The following GCN1 variants were observed in gnomAD, a reference collection of about 807,000 sequenced individuals.
GCN1 encodes the protein GCN1 activator of EIF2AK4, also known as stalled ribosome sensor GCN1.
Under a neutral mutation model 288.4 loss-of-function variants are expected in GCN1, and 90 were observed. That is an observed-to-expected ratio of 0.31 (90% CI 0.26 to 0.37). The LOEUF (loss-of-function observed/expected upper bound fraction) is 0.37, where lower values mean the gene tolerates loss of function less well. Ranked by LOEUF, GCN1 falls within the 10% of genes least tolerant of loss-of-function variation. GCN1 has a pLI of 1.00. For synonymous variants in GCN1, 1,386 were observed against 1,420.2 expected (o/e 0.98, Z 0.54); for missense variants, 2,586 against 3,419.9 (o/e 0.76, Z 6.08).
chr12:120,146,434 C>T (rs1437724590), intron 38 of GCN1, among the ~76,000 whole-genome samples: 2 of 152,096 alleles, frequency 1.3e-5, no homozygotes, highest in East Asian at 1.9e-4. Flanking sequence ...GGTATTATCA[C>T]GGCTCACTGT....
At chr12:120,168,422 C>T (rs937112403) in intron 15 of GCN1, 122 bp from the exon 16 acceptor site, 35 of 687,000 alleles carry the variant, frequency 5.1e-5, no homozygotes, top group Non-Finnish European at 8.9e-5. Flanking sequence ...GCAGGAGGCT[C>T]AGTGCTCTTC....
intron 57 of GCN1, 133 bp from the exon 58 acceptor site, chr12:120,128,107 A>T (rs1297465328): frequency 1.3e-5 from 11 of 821,942 alleles, no homozygotes; most frequent in Non-Finnish European, 2.2e-5. Flanking sequence ...AAAATAAGGG[A>T]ATCAGATGGA....
At chr12:120,135,524 C>T (rs1490315688) in intron 51 of GCN1, among the ~76,000 whole-genome samples, 3 of 152,034 alleles carry the variant, frequency 2.0e-5, no homozygotes, top group Admixed American at 6.6e-5. Context: ...CCACAATGCC[C>T]GGCTAATTTT....
In GCN1 at chr12:120,159,930, C is replaced by T. The variant is rs1566308925; in HGVS notation, c.2644G>A (p.Asp882Asn). 4 of 1,614,088 alleles carry T rather than the reference C, an allele frequency of 2.5e-6. No individual in the cohort carries two copies. The highest frequency in any genetic ancestry group is 3.4e-6 in the Non-Finnish European group (4 of 1,179,936). ...GACTTCAGCAAGGGCAGAAAAGAGT[C>T]GACCAAAACAGGGATGTACTGGGTC... The part of the protein sequence containing the change: ...GLTQYIPVLV[D>N]SFLPLLKSPL... Residue 882 changes from aspartate (D) to asparagine (N), a missense_variant, in exon 24 of 58, where the codon GAC becomes AAC. Transcript: ENST00000300648.
chr12:120,166,484 C>G (rs1878130024), intron 16 of GCN1, among the ~76,000 whole-genome samples: 1 of 150,766 alleles, frequency 6.6e-6, no homozygotes, highest in Non-Finnish European at 1.5e-5. Flanking sequence ...GTGGGCGGAT[C>G]ATGAGGTCAG....
chr12:120,181,395 G>A (rs1237222391), intron 5 of GCN1, among the ~76,000 whole-genome samples: 2 of 145,108 alleles, frequency 1.4e-5, no homozygotes, highest in Non-Finnish European at 3.0e-5. Flanking sequence ...AGCCCAGGAG[G>A]TCAAGGCTGC....
Position 120,175,850 on chromosome 12 carries a change from C to CGGGGACTGTTGGATTTCAGGT in GCN1, c.917_937dup (p.His306_Pro312dup). ...TGCCAGCACAGCTTCATCCATCAGGCGGGGACTGTTGGATTTCAGGTGACC... is the reference window on the plus strand; with the variant it reads ...TGCCAGCACAGCTTCATCCATCAGGCGGGGACTGTTGGATTTCAGGTGGGGACTGTTGGATTTCAGGTGACC... On this transcript the variant is annotated inframe_insertion, in exon 11 of 58. Transcript: ENST00000300648. The CGGGGACTGTTGGATTTCAGGT allele has an allele frequency of 6.2e-7, 1 of 1,611,358 alleles. No homozygotes were observed.
intron 46 of GCN1, 110 bp from the exon 47 acceptor site, chr12:120,138,525 T>C: frequency 9.8e-7 from 1 of 1,016,208 alleles, no homozygotes; most frequent in Admixed American, 1.7e-5. Context: ...TGCACCCACA[T>C]TTCCTCACTG....
intron 5 of GCN1, 54 bp from the exon 6 acceptor site, chr12:120,179,004 C>G (rs1878567445): frequency 7.0e-7 from 1 of 1,427,428 alleles, no homozygotes; most frequent in Non-Finnish European, 9.7e-7. Context: ...CTGAGGGTCC[C>G]ATGGCTCTCA....
In GCN1 at chr12:120,156,930, C is replaced by T. The variant is rs748659288; in HGVS notation, c.3150G>A (p.Thr1050=). Residue 1050 remains threonine, a synonymous_variant, in exon 27 of 58, where the codon ACG becomes ACA. Transcript: ENST00000300648. The surrounding 1 kb of genome is among the most constrained non-coding windows in gnomAD (Gnocchi z 5.8). The stretch of plus-strand genomic sequence containing the variant: ...ACATCACCTGTAAGCGAGGCGAGCC[C>T]GTCCCGATCACCCAAGTCAGAAGAC... ...MLRLLTWVIG[T]GSPRLQVLAS... is the part of the protein sequence containing the mutation. The T allele has an allele frequency of 2.5e-5, 41 of 1,611,608 alleles. No individual in the cohort carries two copies. Among genetic ancestry groups the T allele is most frequent in the South Asian group, 1.3e-4 (12 of 91,050 alleles).
In GCN1 at chr12:120,154,018, C is replaced by T. The variant is rs114592945; in HGVS notation, c.3702-109G>A. 460 of 883,424 alleles carry T rather than the reference C, an allele frequency of 5.2e-4. 3 individuals carry two copies. The African/African-American group carries it at 6.8e-3, about 13-fold the overall frequency. The allele number at this position is 883,424 out of a possible 1,614,324, so 54.7% of individuals were successfully genotyped here. On this transcript the variant is annotated intron_variant, in intron 31 of 57. Transcript: ENST00000300648. The stretch of plus-strand genomic sequence containing the variant: ...AGAGGGAGCTTGCCTGAGGCAAACA[C>T]TGTTTTGGGGGCAGAGAACAGCCTG...
chr12:120,186,167 C>A (rs1033615071), intron 2 of GCN1, among the ~76,000 whole-genome samples: 8 of 151,924 alleles, frequency 5.3e-5, no homozygotes, highest in African/African-American at 1.9e-4. Context: ...GGTGAAACCC[C>A]GTCTCTCCTA....
chr12:120,151,107 T>C (rs764262001), intron 34 of GCN1, 38 bp downstream of exon 34: 3 of 1,599,866 alleles, frequency 1.9e-6, no homozygotes, highest in Non-Finnish European at 2.6e-6. Flanking sequence ...GGGGACCAAC[T>C]TCCCATGCTG....
At chr12:120,183,738 G>A (rs1027025426) in intron 4 of GCN1, 61 bp from the exon 5 acceptor site, 1 of 986,542 alleles carries the variant, frequency 1.0e-6, no homozygotes, top group Non-Finnish European at 1.6e-6. Context: ...GACGAACACT[G>A]TCCCTAAGGC....
intron 14 of GCN1, among the ~76,000 whole-genome samples, chr12:120,171,000 G>GCA (rs1878296549): frequency 6.6e-6 from 1 of 151,882 alleles, no homozygotes. Context: ...TCTTAGCCGG[G>GCA]TGGGGTGGTG....
chr12:120,164,369 C>T lies in GCN1; in HGVS notation c.1815G>A (p.Leu605=). ...LGGFKLAHGL[L]EELKTVLSSH... ...AACTGAGGACAGTCTTCAGCTCCTC[C>T]AAGAGTCCGTGCGCCAGCTTAAAGC... The change falls in exon 18 of 58, where the codon TTG becomes TTA. Residue 605 remains leucine (L), a synonymous_variant. Transcript: ENST00000300648. 1 of 1,614,180 alleles carries T rather than the reference C, an allele frequency of 6.2e-7. No individual in the cohort carries two copies. Among genetic ancestry groups the T allele is most frequent in the South Asian group, 1.1e-5 (1 of 91,086 alleles).
Position 120,140,775 on chromosome 12 carries a change from G to A in GCN1, c.5994+84C>T, listed in dbSNP as rs1166201328. 9 of 1,349,224 alleles carry A rather than the reference G, an allele frequency of 6.7e-6. No individual in the cohort carries two copies. The East Asian group carries it at 1.9e-4, about 28-fold the overall frequency. 83.6% of individuals were successfully genotyped at this position (1,349,224 alleles called of 1,614,324 possible). A position where few individuals can be genotyped will look rare whatever the true frequency, so the allele number is the denominator to read the frequency against. The stretch of plus-strand genomic sequence containing the variant: ...AGGGCAGCACAAACCCCCTAGAGGT[G>A]AACCTCCTTCAGTAGCCCTCCCCCG... On this transcript the variant is annotated intron_variant, in intron 45 of 57. Transcript: ENST00000300648.
intron 42 of GCN1, among the ~76,000 whole-genome samples, chr12:120,143,626 T>C (rs1877269339): frequency 6.6e-6 from 1 of 151,712 alleles, no homozygotes; most frequent in African/African-American, 2.4e-5. Flanking sequence ...GAATGTGCTA[T>C]ATTTTTAAAT....
At position 120,137,677 on chromosome 12, in the gene GCN1, G is replaced by T. The variant is rs368127129; in HGVS notation, c.6531C>A (p.Ile2177=). The T allele has an allele frequency of 6.8e-6, 11 of 1,614,192 alleles. No homozygotes were observed. The South Asian group carries it at 1.2e-4, about 18-fold the overall frequency. The change falls in exon 49 of 58, where the codon ATC becomes ATA. Residue 2177 remains isoleucine, a synonymous_variant. Coordinates refer to ENST00000300648, the MANE Select transcript of GCN1 (RefSeq NM_006836.2). The surrounding 1 kb of genome is among the most constrained non-coding windows in gnomAD (Gnocchi z 5.2). ...AGTCAGCCTTTGAGCGGGAACAGTA[G>T]ATGTTGAGGATGATGGCAGCAGCTT... is the stretch of plus-strand genomic sequence containing the variant. ...MRQAAAIILN[I]YCSRSKADYT...
Sources: allele counts gnomAD v4.1 joint callset (sites outside exome capture counted in the v4.1 genomes callset), GRCh38; gene constraint gnomAD v4.1.1; non-coding constraint Gnocchi (gnomAD v3.1); transcripts MANE v1.5; gene names NCBI Gene and HGNC (gene_info 2026-07-23, HGNC 2026-07-21).